Variants in KDM4A observed in about 807,000 individuals in gnomAD.
KDM4A encodes the protein lysine-specific demethylase 4A.
A neutral mutation model predicts 127.1 loss-of-function variants in KDM4A; 23 were observed. The observed-to-expected ratio is 0.18, with a 90% CI of 0.13 to 0.26. The LOEUF (loss-of-function observed/expected upper bound fraction) is 0.26. Ranked by LOEUF, KDM4A falls within the 10% of genes least tolerant of loss-of-function variation. The pLI is 1.00. For synonymous variants in KDM4A, 443 were observed against 466.5 expected, an observed-to-expected ratio of 0.95 and a Z score of 0.65; for missense variants, 890 against 1,329.1, an observed-to-expected ratio of 0.67 and a Z score of 5.14.
chr1:43,689,403 T>C (rs1238633611), intron 13 of KDM4A, among the ~76,000 whole-genome samples: 1 of 152,246 alleles, frequency 6.6e-6, no homozygotes, highest in Non-Finnish European at 1.5e-5. Context: ...TGGTTATTCC[T>C]GCCAAGTGGT....
At chr1:43,699,975 CG>C (rs1342588675) in intron 19 of KDM4A, 1 of 151,982 alleles carries the variant, frequency 6.6e-6, no homozygotes, top group African/African-American at 2.4e-5. Flanking sequence ...GTGATCCGCC[CG>C]CCTCGGCCTC....
intron 10 of KDM4A, 72 bp from the exon 11 acceptor site, chr1:43,671,433 G>T: frequency 6.8e-7 from 1 of 1,468,290 alleles, no homozygotes; most frequent in Non-Finnish European, 9.1e-7. Flanking sequence ...CTTGTGCTTT[G>T]CCCTCTGCCT....
In KDM4A at chr1:43,677,323, C is replaced by G. The variant is rs987169719; in HGVS notation, c.1734+5448C>G. ...TCTTGCCATTGCACTCCAGCCTGGG[C>G]AACAGAGTGAGACTCCATCTCAAAA... On this transcript the variant is annotated intron_variant, in intron 11 of 21. Transcript: ENST00000372396. Among the ~76,000 whole-genome samples the G allele has an allele frequency of 2.2e-4, 26 of 118,690 alleles. No individual in the cohort carries two copies. In the Admixed American group the frequency reaches 2.4e-3, roughly 11 times the overall value. The allele number at this position is 118,690 out of a possible 152,430, so 77.9% of individuals were successfully genotyped here. A position where few individuals can be genotyped will look rare whatever the true frequency, so the allele number is the denominator to read the frequency against.
intron 3 of KDM4A, 94 bp downstream of exon 3, chr1:43,655,860 AGTGTCTTCAGCAGGAT>A: frequency 5.8e-6 from 6 of 1,040,892 alleles, no homozygotes; most frequent in Non-Finnish European, 8.1e-6. Context: ...CCTGATGAAC[AGTGTCTTCAGCAGGAT>A]GGCTCTGTTC....
intron 11 of KDM4A, among the ~76,000 whole-genome samples, chr1:43,675,987 G>A (rs1660731869): frequency 2.0e-5 from 3 of 151,232 alleles, no homozygotes; most frequent in African/African-American, 4.9e-5. Context: ...GCAGGAAAGC[G>A]CTTAAACCCT....
At chr1:43,671,412 C>A in intron 10 of KDM4A, 93 bp from the exon 11 acceptor site, 1 of 1,363,402 alleles carries the variant, frequency 7.3e-7, no homozygotes, top group Non-Finnish European at 9.8e-7. Context: ...TCCCATTCCC[C>A]GCCCATGTTC....
chr1:43,677,344 CAAAAA>C (rs35771419), intron 11 of KDM4A, among the ~76,000 whole-genome samples: 2 of 65,804 alleles, frequency 3.0e-5, no homozygotes, highest in Non-Finnish European at 7.0e-5. Context: ...GACTCCATCT[CAAAAA>C]AAAAAAAAAA....
intron 13 of KDM4A, among the ~76,000 whole-genome samples, chr1:43,689,573 T>TA (rs1235511385): frequency 6.6e-6 from 1 of 152,132 alleles, no homozygotes; most frequent in African/African-American, 2.4e-5. Context: ...AAGGGCCTGA[T>TA]ATGTGAGGAG....
chr1:43,652,679 CTT>C (rs771216218), intron 1 of KDM4A, among the ~76,000 whole-genome samples: 18 of 118,758 alleles, frequency 1.5e-4, no homozygotes, highest in Middle Eastern at 4.6e-3. Flanking sequence ...TTCTTTCTTT[CTT>C]TTTTTTTTTT....
intron 1 of KDM4A, chr1:43,650,566 G>C (rs1161900036): frequency 6.6e-6 from 1 of 152,328 alleles, no homozygotes; most frequent in Non-Finnish European, 1.5e-5. Flanking sequence ...TTCGGGGACG[G>C]TGGGGAGCAG....
At chr1:43,667,723 G>A in intron 8 of KDM4A, 49 bp from the exon 9 acceptor site, 2 of 1,610,526 alleles carry the variant, frequency 1.2e-6, no homozygotes, top group Non-Finnish European at 1.7e-6. Context: ...GGGTGAGTTG[G>A]AAGCAGCAAG....
chr1:43,703,922 A>T, intron 20 of KDM4A, 98 bp from the exon 21 acceptor site: 1 of 1,321,114 alleles, frequency 7.6e-7, no homozygotes. Context: ...TTAGTGTTCT[A>T]ACTCCTTCCT....
chr1:43,690,988 T>C lies in KDM4A; in HGVS notation c.2181T>C (p.Leu727=). The change falls in exon 14 of 22, where the codon CTT becomes CTC. Residue 727 remains leucine, a synonymous_variant. Transcript: ENST00000372396. ...STDINLSTPY[L]EEDGTSILVS... ...ACATCAACCTTTCTACTCCTTATCT[T>C]GAGGAGGATGGCACCAGCATACTCG... is the stretch of plus-strand genomic sequence containing the variant. The C allele has an allele frequency of 6.2e-7, 1 of 1,614,174 alleles. No homozygotes were observed.
chr1:43,689,147 G>A (rs1661051810), intron 13 of KDM4A, 52 bp downstream of exon 13: 1 of 1,575,302 alleles, frequency 6.3e-7, no homozygotes, highest in Non-Finnish European at 8.7e-7. Flanking sequence ...TCATAGGGAA[G>A]CTAGATTTAA....
At chr1:43,679,577 G>A (rs1660813351) in intron 11 of KDM4A, among the ~76,000 whole-genome samples, 1 of 152,026 alleles carries the variant, frequency 6.6e-6, no homozygotes, top group Non-Finnish European at 1.5e-5. Flanking sequence ...CAGTTTCCAT[G>A]CCACCATCTA....
chr1:43,668,030 A>AG lies in KDM4A; in HGVS notation c.1163+12dup, dbSNP rs745471932. ...AGACCTGAAGACAAGGTAACCCAGC[A>AG]GCCCTTTTGTCCTGGCTGCGTGAGG... On this transcript the variant is annotated intron_variant, in intron 9 of 21. Coordinates refer to ENST00000372396, the MANE Select transcript of KDM4A (RefSeq NM_014663.3). 1.9e-6 allele frequency: 3 copies of AG among 1,613,388 alleles called. No homozygotes were observed. The highest frequency in any genetic ancestry group is 1.7e-6 in the Non-Finnish European group (2 of 1,179,806).
intron 2 of KDM4A, 28 bp from the exon 3 acceptor site, chr1:43,655,563 G>C (rs1342393512): frequency 6.3e-7 from 1 of 1,579,466 alleles, no homozygotes; most frequent in Non-Finnish European, 8.6e-7. Context: ...TTTCTCATCT[G>C]TCTTTTTGTT....
At chr1:43,692,095 G>T (rs1203164114) in intron 15 of KDM4A, among the ~76,000 whole-genome samples, 161 bp from the exon 16 acceptor site, 1 of 152,240 alleles carries the variant, frequency 6.6e-6, no homozygotes, top group East Asian at 1.9e-4. Context: ...CTCTCCTTCT[G>T]ACAGGGCGTC....
chr1:43,667,898 C>G lies in KDM4A; in HGVS notation c.1042C>G (p.Pro348Ala). The change falls in exon 9 of 22, where the codon CCA (proline) becomes GCA (alanine). Residue 348 changes from proline to alanine, a missense_variant. Around this residue, in one of 7 missense-constraint regions of KDM4A, gnomAD observed 389 missense variants for 485.9 expected, o/e 0.80. Transcript: ENST00000372396. ...AGTTATTGACCATACTCTGCCCACGCCAGAAGCAGCTGAGTTTCTTAAGGA... is the reference window on the plus strand; with the variant it reads ...AGTTATTGACCATACTCTGCCCACGGCAGAAGCAGCTGAGTTTCTTAAGGA... Reference protein sequence around the residue: ...NTVIDHTLPTPEAAEFLKESE... With the variant: ...NTVIDHTLPTAEAAEFLKESE... 6.2e-7 allele frequency: 1 copy of G among 1,614,136 alleles called. No homozygotes were observed. Among genetic ancestry groups the G allele is most frequent in the Non-Finnish European group, 8.5e-7 (1 of 1,180,020 alleles).
Sources: gnomAD v4.1 joint callset for allele counts (sites outside exome capture counted in the v4.1 genomes callset) on GRCh38, gnomAD v4.1.1 for gene constraint, gnomAD v4.1.1 regional missense constraint, MANE v1.5 for transcripts, NCBI Gene and HGNC (gene_info 2026-07-23, HGNC 2026-07-21) for gene names.